The following PANX1 variants were observed in gnomAD, a reference collection of about 807,000 sequenced individuals.
PANX1 encodes pannexin-1.
PANX1 carries 30 observed loss-of-function variants against 38.7 expected under a neutral mutation model. That is an observed-to-expected ratio of 0.78 (90% CI 0.58 to 1.05). PANX1 has a LOEUF of 1.05. PANX1 is among the 50% of genes least tolerant of loss of function. The pLI, the probability that PANX1 is intolerant of heterozygous loss-of-function variation, is 0.00. For missense variants in PANX1, 551 were observed against 517.2 expected (o/e 1.07, Z -0.63); for synonymous variants, 230 against 212.2 (o/e 1.08, Z -0.73).
At chr11:94,150,427 C>G (rs1207367448) in intron 1 of PANX1, among the ~76,000 whole-genome samples, 1 of 152,132 alleles carries the variant, frequency 6.6e-6, no homozygotes, top group Admixed American at 6.5e-5. Flanking sequence ...GGAAAACTCA[C>G]GAAGATCTAA....
chr11:94,169,382 A>G lies in PANX1; in HGVS notation c.322-8987A>G, dbSNP rs536490171. On this transcript the variant is annotated intron_variant, in intron 2 of 4. Transcript: ENST00000227638. ...TGATAACCTGTGTCAGATGCTGCCA[A>G]GAGTGCGAGTAAGGTGAGGACTGAG... is the stretch of plus-strand genomic sequence containing the variant. Among the ~76,000 whole-genome samples, 76 of 151,770 alleles carry G rather than the reference A, an allele frequency of 5.0e-4. 6 individuals are homozygous for G. The highest frequency in any genetic ancestry group is 1.7e-3 in the African/African-American group (71 of 41,066).
intron 1 of PANX1, among the ~76,000 whole-genome samples, chr11:94,140,936 A>G (rs1207434416): frequency 2.0e-5 from 3 of 152,212 alleles, no homozygotes; most frequent in Non-Finnish European, 4.4e-5. Context: ...AATCTACTTA[A>G]TATTTCATTT....
intron 2 of PANX1, among the ~76,000 whole-genome samples, chr11:94,164,561 T>A (rs1947081763): frequency 6.6e-6 from 1 of 152,366 alleles, no homozygotes; most frequent in South Asian, 2.1e-4. Context: ...CTTTTATGAT[T>A]TCAATTATTT....
chr11:94,146,142 C>G (rs1325525468), intron 1 of PANX1, among the ~76,000 whole-genome samples: 1 of 152,174 alleles, frequency 6.6e-6, no homozygotes, highest in Non-Finnish European at 1.5e-5. Context: ...TGGGACTGCT[C>G]AGGAACTGAG....
At chr11:94,143,017 C>G (rs1047234528) in intron 1 of PANX1, among the ~76,000 whole-genome samples, 8 of 152,228 alleles carry the variant, frequency 5.3e-5, no homozygotes, top group African/African-American at 9.7e-5. Flanking sequence ...ATTTAGAATG[C>G]CCTTGTTTGC....
At chr11:94,138,976 T>A (rs1328517768) in intron 1 of PANX1, among the ~76,000 whole-genome samples, 1 of 152,162 alleles carries the variant, frequency 6.6e-6, no homozygotes, top group East Asian at 1.9e-4. Flanking sequence ...ACCTCTACAG[T>A]CTGTTTTGTT....
At chr11:94,149,033 A>C (rs543318436) in intron 1 of PANX1, among the ~76,000 whole-genome samples, 1 of 152,132 alleles carries the variant, frequency 6.6e-6, no homozygotes, top group Non-Finnish European at 1.5e-5. Flanking sequence ...TCACCTTTAA[A>C]ATAGGGGTGA....
In PANX1 at chr11:94,170,848, G is replaced by A. The variant is rs147495194; in HGVS notation, c.322-7521G>A. Reference sequence around the variant, plus strand: ...GATGGTCACCTGCTGATGAGCTGCAGTTCAACACAAGGAGAGTCTTTCTGG... The same window carrying A: ...GATGGTCACCTGCTGATGAGCTGCAATTCAACACAAGGAGAGTCTTTCTGG... On this transcript the variant is annotated intron_variant, in intron 2 of 4. Coordinates refer to ENST00000227638, the MANE Select transcript of PANX1 (RefSeq NM_015368.4). 1.1e-3 allele frequency among the ~76,000 whole-genome samples: 171 copies of A among 151,890 alleles called. 1 individual carries two copies. The highest frequency in any genetic ancestry group is 1.8e-3 in the Non-Finnish European group (123 of 68,028).
At chr11:94,173,373 C>T (rs1205894534) in intron 2 of PANX1, among the ~76,000 whole-genome samples, 1 of 151,566 alleles carries the variant, frequency 6.6e-6, no homozygotes, top group African/African-American at 2.4e-5. Flanking sequence ...CTGAATTGTA[C>T]AGCTAGATTC....
At chr11:94,171,661 C>G (rs530585475) in intron 2 of PANX1, among the ~76,000 whole-genome samples, 1 of 151,532 alleles carries the variant, frequency 6.6e-6, no homozygotes, top group Non-Finnish European at 1.5e-5. Flanking sequence ...GCTCAGTTAC[C>G]CCAAAGAAGT....
At chr11:94,168,956 A>C (rs1280660720) in intron 2 of PANX1, among the ~76,000 whole-genome samples, 1 of 151,668 alleles carries the variant, frequency 6.6e-6, no homozygotes, top group Non-Finnish European at 1.5e-5. Flanking sequence ...GGATGGAATG[A>C]CACCTTCATG....
intron 1 of PANX1, 24 bp downstream of exon 1, chr11:94,129,517 G>T: frequency 6.3e-7 from 1 of 1,586,750 alleles, no homozygotes; most frequent in Non-Finnish European, 8.6e-7. Context: ...AGGACGGAGG[G>T]GAGTGGCCGC....
intron 1 of PANX1, among the ~76,000 whole-genome samples, chr11:94,130,836 G>T (rs1335755651): frequency 3.3e-5 from 5 of 152,112 alleles, no homozygotes; most frequent in African/African-American, 4.8e-5. Flanking sequence ...GAAGTTGAGG[G>T]AATAGTTGAT....
At chr11:94,144,158 A>C (rs1465910717) in intron 1 of PANX1, among the ~76,000 whole-genome samples, 1 of 152,124 alleles carries the variant, frequency 6.6e-6, no homozygotes. Flanking sequence ...AGTCTATTAA[A>C]GCTGCCCCTT....
chr11:94,160,520 C>G (rs1310297609), intron 2 of PANX1, among the ~76,000 whole-genome samples: 1 of 152,044 alleles, frequency 6.6e-6, no homozygotes, highest in Non-Finnish European at 1.5e-5. Flanking sequence ...GGTTTAAAGT[C>G]TCTTTTATCA....
chr11:94,138,523 TG>T (rs1946726675), intron 1 of PANX1, among the ~76,000 whole-genome samples: 1 of 152,238 alleles, frequency 6.6e-6, no homozygotes, highest in African/African-American at 2.4e-5. Flanking sequence ...TTTTAATTTT[TG>T]TTGGTATGTA....
At chr11:94,178,310 G>T (rs1031119040) in intron 2 of PANX1, 59 bp from the exon 3 acceptor site, 3 of 1,289,208 alleles carry the variant, frequency 2.3e-6, no homozygotes, top group East Asian at 2.3e-5. Flanking sequence ...ATCACTTGGC[G>T]CCATAGGTTA....
At chr11:94,152,788 AAC>A (rs1491291844) in intron 1 of PANX1, among the ~76,000 whole-genome samples, 1 of 152,162 alleles carries the variant, frequency 6.6e-6, no homozygotes, top group Non-Finnish European at 1.5e-5. Flanking sequence ...CAGAGGAGAA[AAC>A]CAAGTCCCAG....
chr11:94,174,233 G>C (rs1266369531), intron 2 of PANX1, among the ~76,000 whole-genome samples: 1 of 151,428 alleles, frequency 6.6e-6, no homozygotes, highest in Non-Finnish European at 1.5e-5. Flanking sequence ...GGTTCCAGGT[G>C]GTCATTAGTT....
Sources: allele counts gnomAD v4.1 joint callset (sites outside exome capture counted in the v4.1 genomes callset), GRCh38; gene constraint gnomAD v4.1.1; transcripts MANE v1.5; gene names NCBI Gene and HGNC (gene_info 2026-07-23, HGNC 2026-07-21).